Variants in PTPRD observed in about 807,000 individuals in gnomAD.
PTPRD encodes protein tyrosine phosphatase receptor type D.
In PTPRD, 34 loss-of-function variants were observed where a neutral mutation model predicts 214.5. The ratio of observed to expected loss-of-function variants is 0.16; its 90% confidence interval spans 0.12 to 0.21. The LOEUF (loss-of-function observed/expected upper bound fraction) is 0.21, where lower values mean the gene tolerates loss of function less well. PTPRD is among the 10% of genes least tolerant of loss of function. PTPRD has a pLI of 1.00. For missense variants in PTPRD, 2,545 were observed against 2,398.7 expected (o/e 1.06, Z -1.27); for synonymous variants, 1,128 against 845.7 (o/e 1.33, Z -5.79).
intron 2 of PTPRD, among the ~76,000 whole-genome samples, chr9:10,506,128 T>G (rs1339577160): frequency 2.6e-5 from 4 of 152,130 alleles, no homozygotes; most frequent in Non-Finnish European, 4.4e-5. Flanking sequence ...CATAGAAGAA[T>G]GTAAAGATTC....
At chr9:8,661,869 T>C (rs955674137) in intron 12 of PTPRD, among the ~76,000 whole-genome samples, 2 of 152,234 alleles carry the variant, frequency 1.3e-5, no homozygotes, top group Non-Finnish European at 2.9e-5. Flanking sequence ...TTTCACTAAA[T>C]ATTGAAAGGG....
intron 14 of PTPRD, among the ~76,000 whole-genome samples, chr9:8,596,963 A>G (rs1333643882): frequency 6.6e-6 from 1 of 152,076 alleles, no homozygotes; most frequent in Non-Finnish European, 1.5e-5. Context: ...TCATGTTCCT[A>G]TATTACTGTG....
chr9:9,006,827 CTATT>C (rs1313006290), intron 11 of PTPRD, among the ~76,000 whole-genome samples: 2 of 151,786 alleles, frequency 1.3e-5, no homozygotes, highest in African/African-American at 4.8e-5. Flanking sequence ...GAAAAAAACT[CTATT>C]TAATGAAGCA....
intron 11 of PTPRD, among the ~76,000 whole-genome samples, chr9:8,896,661 T>A (rs1175543738): frequency 6.6e-6 from 1 of 152,184 alleles, no homozygotes; most frequent in Non-Finnish European, 1.5e-5. Context: ...CATCCCATAG[T>A]CTGTGTGACT....
At chr9:10,380,367 T>A (rs1373468247) in intron 2 of PTPRD, among the ~76,000 whole-genome samples, 1 of 152,114 alleles carries the variant, frequency 6.6e-6, no homozygotes, top group Non-Finnish European at 1.5e-5. Flanking sequence ...ATCTTAAGAA[T>A]AAAATATGAG....
intron 5 of PTPRD, among the ~76,000 whole-genome samples, chr9:9,812,054 G>C (rs1408115391): frequency 1.3e-5 from 2 of 152,166 alleles, no homozygotes; most frequent in Non-Finnish European, 2.9e-5. Flanking sequence ...CGCTTCATAA[G>C]CAAAAAGATT....
At chr9:9,293,359 T>C (rs992041626) in intron 9 of PTPRD, among the ~76,000 whole-genome samples, 1 of 151,386 alleles carries the variant, frequency 6.6e-6, no homozygotes. Flanking sequence ...CTATATTCCT[T>C]TTACATACTC....
chr9:8,662,372 G>C (rs2097078745), intron 12 of PTPRD, among the ~76,000 whole-genome samples: 1 of 152,164 alleles, frequency 6.6e-6, no homozygotes, highest in South Asian at 2.1e-4. Context: ...GAGAATGCTT[G>C]AGGAAGAACA....
At chr9:10,108,161 G>T (rs2098653547) in intron 3 of PTPRD, among the ~76,000 whole-genome samples, 1 of 151,854 alleles carries the variant, frequency 6.6e-6, no homozygotes, top group Non-Finnish European at 1.5e-5. Flanking sequence ...TTGTTATATT[G>T]TTTTCTTTTC....
At chr9:9,008,337 C>G (rs932386386) in intron 11 of PTPRD, among the ~76,000 whole-genome samples, 2 of 151,724 alleles carry the variant, frequency 1.3e-5, no homozygotes, top group Admixed American at 6.6e-5. Flanking sequence ...ATGTCACTCT[C>G]CTGCCTCAGC....
At chr9:8,320,909 C>A (rs1212885085) in intron 44 of PTPRD, among the ~76,000 whole-genome samples, 3 of 152,004 alleles carry the variant, frequency 2.0e-5, no homozygotes, top group Non-Finnish European at 4.4e-5. Flanking sequence ...ATTTTTGGAT[C>A]CTAATTAAAC....
At chr9:9,089,343 C>A (rs921455677) in intron 10 of PTPRD, among the ~76,000 whole-genome samples, 2 of 152,148 alleles carry the variant, frequency 1.3e-5, no homozygotes, top group African/African-American at 2.4e-5. Context: ...CAGATTTGAT[C>A]CAAGGTCTAC....
chr9:9,338,418 G>C (rs1008834621), intron 9 of PTPRD, among the ~76,000 whole-genome samples: 2 of 152,058 alleles, frequency 1.3e-5, no homozygotes, highest in Non-Finnish European at 2.9e-5. Context: ...AATACTGAAC[G>C]AAACTATTTT....
intron 5 of PTPRD, among the ~76,000 whole-genome samples, chr9:9,782,351 C>T (rs1746794): frequency 0.28 from 42,353 of 151,966 alleles, 7,180 homozygotes; most frequent in African/African-American, 0.47. Context: ...ATTCCTAACC[C>T]CTTAAAGTTA....
intron 3 of PTPRD, among the ~76,000 whole-genome samples, chr9:10,241,403 G>T (rs1029746114): frequency 2.0e-5 from 3 of 151,890 alleles, no homozygotes; most frequent in Admixed American, 1.3e-4. Context: ...GTAAATAAAC[G>T]TTCATAGAAG....
chr9:10,329,401 T>C (rs1482792255), intron 3 of PTPRD, among the ~76,000 whole-genome samples: 1 of 151,856 alleles, frequency 6.6e-6, no homozygotes, highest in Non-Finnish European at 1.5e-5. Context: ...AGTAATACTA[T>C]TTTAAAATAA....
At chr9:9,062,727 T>C (rs1462206068) in intron 10 of PTPRD, among the ~76,000 whole-genome samples, 3 of 152,178 alleles carry the variant, frequency 2.0e-5, no homozygotes, top group African/African-American at 7.2e-5. Flanking sequence ...TAAAACATCA[T>C]GTTACTGTGT....
At chr9:10,305,383 CAAA>C (rs532681794) in intron 3 of PTPRD, among the ~76,000 whole-genome samples, 5,084 of 75,858 alleles carry the variant, frequency 0.067, 273 homozygotes, top group African/African-American at 0.17. Flanking sequence ...AAAGCAATGG[CAAA>C]AAAAAAAAAA....
rs3215098 is a variant in PTPRD, at chr9:8,331,574, A to AAACTTACCATTCCTGAACTGT, written c.5534+7_5534+8insACAGTTCAGGAATGGTAAGTT. ...TTATCACTGCTTTATTCACAAATGG[A>AAACTTACCATTCCTGAACTGT]AACTTACCTGCAATGGACTGAAATG... On this transcript the variant is annotated splice_region_variant and intron_variant, in intron 44 of 45. Coordinates refer to ENST00000381196, the MANE Select transcript of PTPRD (RefSeq NM_002839.4). The AAACTTACCATTCCTGAACTGT allele has an allele frequency of 0.13, 215,665 of 1,607,146 alleles. 18,470 individuals carry two copies. The highest frequency in any genetic ancestry group is 0.35 in the Admixed American group (20,908 of 59,808).
Sources: allele counts gnomAD v4.1 joint callset (sites outside exome capture counted in the v4.1 genomes callset), GRCh38; gene constraint gnomAD v4.1.1; transcripts MANE v1.5; gene names NCBI Gene and HGNC (gene_info 2026-07-23, HGNC 2026-07-21).